MDN1: variants seen among roughly 807,000 people sequenced by gnomAD.
MDN1 encodes the protein midasin AAA ATPase 1, also known as midasin.
A neutral mutation model predicts 669.2 loss-of-function variants in MDN1; 266 were observed. The ratio of observed to expected loss-of-function variants is 0.40; its 90% CI spans 0.36 to 0.44. MDN1 has a LOEUF of 0.44. MDN1 is among the 20% of genes least tolerant of loss of function. The pLI is 1.00. For missense variants in MDN1, 5,940 were observed against 6,754.0 expected, an observed-to-expected ratio of 0.88 and a Z score of 4.22; for synonymous variants, 2,385 against 2,457.1, an observed-to-expected ratio of 0.97 and a Z score of 0.87.
intron 38 of MDN1, among the ~76,000 whole-genome samples, chr6:89,724,879 T>C (rs1815111055): frequency 6.6e-6 from 1 of 152,196 alleles, no homozygotes; most frequent in African/African-American, 2.4e-5. Context: ...ATTTTTCTTA[T>C]ATATTTCAAC....
At chr6:89,784,140 C>A (rs977976432) in intron 9 of MDN1, among the ~76,000 whole-genome samples, 1 of 151,686 alleles carries the variant, frequency 6.6e-6, no homozygotes, top group South Asian at 2.1e-4. Context: ...CATGGTGAAA[C>A]CCCATCTCTA....
chr6:89,699,557 A>G (rs75563425), intron 58 of MDN1, 44 bp downstream of exon 58: 1 of 1,555,516 alleles, frequency 6.4e-7, no homozygotes. Flanking sequence ...AAATCTAACC[A>G]ACTCATAATG....
At chr6:89,786,744 G>T (rs1360813457) in intron 8 of MDN1, among the ~76,000 whole-genome samples, 1 of 151,874 alleles carries the variant, frequency 6.6e-6, no homozygotes, top group Non-Finnish European at 1.5e-5. Flanking sequence ...TGGCCAACAT[G>T]GTGAAACCCC....
chr6:89,782,002 AAAATG>A (rs1818698612), intron 9 of MDN1, among the ~76,000 whole-genome samples: 1 of 152,096 alleles, frequency 6.6e-6, no homozygotes, highest in Non-Finnish European at 1.5e-5. Flanking sequence ...CATAAAAATA[AAAATG>A]AAAAGAAATT....
intron 2 of MDN1, among the ~76,000 whole-genome samples, chr6:89,795,019 T>C (rs1271134866): frequency 1.3e-5 from 2 of 152,088 alleles, no homozygotes; most frequent in Admixed American, 1.3e-4. Flanking sequence ...TCTGAGAACA[T>C]AGGGGAATGA....
At chr6:89,720,449 A>G (rs1226572533) in intron 40 of MDN1, among the ~76,000 whole-genome samples, 3 of 152,046 alleles carry the variant, frequency 2.0e-5, no homozygotes, top group Non-Finnish European at 4.4e-5. Context: ...TTAGCTTTAT[A>G]AAATCAAAAT....
intron 47 of MDN1, 133 bp downstream of exon 47, chr6:89,713,015 A>G: frequency 9.9e-7 from 1 of 1,005,064 alleles, no homozygotes; most frequent in Middle Eastern, 3.1e-4. Context: ...CCTGGATACC[A>G]GATCTCTATT....
chr6:89,682,767 T>C (rs1342363664), intron 73 of MDN1, among the ~76,000 whole-genome samples: 2 of 86,612 alleles, frequency 2.3e-5, no homozygotes, highest in African/African-American at 4.3e-5. Flanking sequence ...AAGTGAGACC[T>C]CATCTCTACA....
rs768528716 is a variant in MDN1 at position 89,686,896 on chromosome 6, C to T, written c.11572+6G>A. On this transcript the variant is annotated splice_donor_region_variant and intron_variant, in intron 69 of 101. Transcript: ENST00000369393. ...AGTGGGCAGGAAATGTACTGCTAGG[C>T]ATTACCTTCCTGTTCTTCTGTTTGT... The T allele has an allele frequency of 6.2e-7, 1 of 1,613,746 alleles. No homozygotes were observed. The highest frequency in any genetic ancestry group is 1.7e-5 in the Admixed American group (1 of 59,946).
chr6:89,686,114 G>A (rs986650189), intron 69 of MDN1, 141 bp from the exon 70 acceptor site: 17 of 809,126 alleles, frequency 2.1e-5, no homozygotes, highest in African/African-American at 2.1e-4. Flanking sequence ...AAGGACCATG[G>A]CTAAATTCTA....
At chr6:89,711,997 T>G in intron 49 of MDN1, 39 bp downstream of exon 49, 4 of 1,532,036 alleles carry the variant, frequency 2.6e-6, no homozygotes, top group Non-Finnish European at 3.6e-6. Flanking sequence ...TAAGTGTATA[T>G]AAATCACATC....
In MDN1 at chr6:89,694,079, G is replaced by A. The variant is rs115086343; in HGVS notation, c.9876C>T (p.His3292=). The change falls in exon 62 of 102, where the codon CAC becomes CAT. Residue 3292 remains histidine (H), a synonymous_variant. Coordinates refer to ENST00000369393, the MANE Select transcript of MDN1 (RefSeq NM_014611.3). Reference sequence around the variant, plus strand: ...TAATCACTCTGCTGTGTTACCTGACGTGAGGATGAGAGTAGCTGACAACGA... The same window carrying A: ...TAATCACTCTGCTGTGTTACCTGACATGAGGATGAGAGTAGCTGACAACGA... ...DEVVVSYSHP[H]VRLLRQRMDR... 5.0e-6 allele frequency: 8 copies of A among 1,612,996 alleles called. No individual in the cohort carries two copies. Among genetic ancestry groups the A allele is most frequent in the East Asian group, 2.2e-5 (1 of 44,886 alleles).
intron 74 of MDN1, among the ~76,000 whole-genome samples, chr6:89,679,923 G>A (rs756714460): frequency 6.6e-6 from 1 of 152,170 alleles, no homozygotes; most frequent in Non-Finnish European, 1.5e-5. Context: ...CCCTAGGCCT[G>A]AGTCACCTTG....
chr6:89,723,698 A>C (rs890814715), intron 38 of MDN1, 79 bp from the exon 39 acceptor site: 8 of 736,700 alleles, frequency 1.1e-5, no homozygotes, highest in Non-Finnish European at 1.7e-5. Flanking sequence ...ATGTCTTATT[A>C]TGCAAAATCT....
In MDN1 at chr6:89,648,147, C is replaced by T; in HGVS notation, c.16281-1G>A. On this transcript the variant is annotated splice_acceptor_variant, in intron 98 of 101. Transcript: ENST00000369393. LOFTEE classifies it high-confidence loss of function. ...TAACAGCTTTACAGATTCTCCAAAA[C>T]TTGGGGGAGGAAAACCAAATACAAC... 6.2e-7 allele frequency: 1 copy of T among 1,613,230 alleles called. No homozygotes were observed. Among genetic ancestry groups the T allele is most frequent in the Non-Finnish European group, 8.5e-7 (1 of 1,179,224 alleles).
chr6:89,763,059 AT>A (rs1183434271), intron 15 of MDN1, among the ~76,000 whole-genome samples: 34 of 152,314 alleles, frequency 2.2e-4, no homozygotes, highest in South Asian at 6.2e-4. Flanking sequence ...TCTCAAAAAA[AT>A]AAAAGTAAAA....
chr6:89,734,321 T>C (rs375025182), intron 33 of MDN1, among the ~76,000 whole-genome samples: 9 of 151,708 alleles, frequency 5.9e-5, no homozygotes, highest in African/African-American at 2.2e-4. Context: ...CAAACAATGT[T>C]CCATGTCACT....
chr6:89,690,295 G>A (rs1812296906), intron 64 of MDN1, 152 bp from the exon 65 acceptor site: 6 of 900,342 alleles, frequency 6.7e-6, no homozygotes, highest in Middle Eastern at 3.5e-4. Flanking sequence ...ACTACAGGCT[G>A]GGCACAGTGG....
At chr6:89,650,702 C>T (rs1329192342) in intron 96 of MDN1, 30 bp downstream of exon 96, 3 of 1,552,700 alleles carry the variant, frequency 1.9e-6, no homozygotes, top group Non-Finnish European at 2.7e-6. Context: ...TCTCAGGGCA[C>T]TGTGAGGCCT....
Sources: gnomAD v4.1 joint callset for allele counts (sites outside exome capture counted in the v4.1 genomes callset) on GRCh38, gnomAD v4.1.1 for gene constraint, MANE v1.5 for transcripts, NCBI Gene and HGNC (gene_info 2026-07-23, HGNC 2026-07-21) for gene names.